Variants in NEGR1 observed in about 807,000 individuals in gnomAD.
The protein encoded by NEGR1 is neuronal growth regulator 1.
NEGR1 carries 10 observed loss-of-function variants against 40.9 expected under a neutral mutation model. The ratio of observed to expected loss-of-function variants is 0.24; its 90% confidence interval spans 0.15 to 0.42. The LOEUF (loss-of-function observed/expected upper bound fraction) is 0.42. Ranked by LOEUF, NEGR1 falls within the 10% of genes least tolerant of loss-of-function variation. The probability of loss-of-function intolerance (pLI) is 1.00; values close to 1 mark genes in which losing one functional copy is unlikely to be tolerated. For missense variants in NEGR1, 352 were observed against 438.9 expected, an observed-to-expected ratio of 0.80 and a Z score of 1.77; for synonymous variants, 185 against 166.8, an observed-to-expected ratio of 1.11 and a Z score of -0.84.
At chr1:72,262,408 A>C (rs902796132) in intron 1 of NEGR1, among the ~76,000 whole-genome samples, 2 of 151,998 alleles carry the variant, frequency 1.3e-5, no homozygotes, top group African/African-American at 4.8e-5. Flanking sequence ...AGAAGAATAC[A>C]CAGGGTTCAT....
intron 2 of NEGR1, among the ~76,000 whole-genome samples, chr1:71,831,246 A>G (rs1215730356): frequency 6.6e-6 from 1 of 151,942 alleles, no homozygotes; most frequent in East Asian, 1.9e-4. Context: ...AGTACTCAAT[A>G]TCACTGTGTT....
At position 72,190,742 on chromosome 1, in the gene NEGR1, T is replaced by C. The variant is rs569109465; in HGVS notation, c.176+91577A>G. ...GATAATGTACCTGAATAGCTAATGA[T>C]TATGTATAAGAAAACTAGGGCCACT... On this transcript the variant is annotated intron_variant, in intron 1 of 6. Coordinates refer to ENST00000357731, the MANE Select transcript of NEGR1 (RefSeq NM_173808.3). Among the ~76,000 whole-genome samples, 3 of 151,688 alleles carry C rather than the reference T, an allele frequency of 2.0e-5. No homozygotes were observed. The East Asian group carries it at 5.8e-4, about 29-fold the overall frequency.
chr1:71,971,177 C>T (rs1329268139), intron 1 of NEGR1, among the ~76,000 whole-genome samples: 1 of 152,182 alleles, frequency 6.6e-6, no homozygotes, highest in Non-Finnish European at 1.5e-5. Flanking sequence ...CTGGAAGAAC[C>T]AAGAATGGTA....
intron 3 of NEGR1, among the ~76,000 whole-genome samples, chr1:71,762,054 G>T (rs1224428014): frequency 1.3e-5 from 2 of 152,008 alleles, no homozygotes; most frequent in Non-Finnish European, 2.9e-5. Flanking sequence ...AATGTAAAGG[G>T]CACTAAGTTT....
intron 3 of NEGR1, among the ~76,000 whole-genome samples, chr1:71,738,848 G>C (rs1328880705): frequency 6.6e-6 from 1 of 151,910 alleles, no homozygotes; most frequent in Non-Finnish European, 1.5e-5. Context: ...ACTGTTTTCT[G>C]TTTTAAATGT....
intron 1 of NEGR1, among the ~76,000 whole-genome samples, chr1:72,100,027 T>C (rs1648872714): frequency 1.3e-5 from 2 of 152,066 alleles, no homozygotes; most frequent in African/African-American, 2.4e-5. Context: ...ATTGCCAACA[T>C]AGAAGATTGG....
At chr1:72,123,386 A>T (rs2100295735) in intron 1 of NEGR1, among the ~76,000 whole-genome samples, 1 of 152,000 alleles carries the variant, frequency 6.6e-6, no homozygotes, top group East Asian at 1.9e-4. Context: ...GAGCATGCTG[A>T]GAAATACCTT....
intron 6 of NEGR1, among the ~76,000 whole-genome samples, chr1:71,434,186 C>A (rs1646489381): frequency 6.6e-6 from 1 of 151,610 alleles, no homozygotes; most frequent in East Asian, 1.9e-4. Flanking sequence ...AAATATCAAA[C>A]AAATTAAGAA....
chr1:71,440,800 C>T (rs1646542053), intron 6 of NEGR1, among the ~76,000 whole-genome samples: 1 of 152,294 alleles, frequency 6.6e-6, no homozygotes, highest in Non-Finnish European at 1.5e-5. Flanking sequence ...TTAAAATTGT[C>T]ATATTTATAG....
intron 1 of NEGR1, among the ~76,000 whole-genome samples, chr1:72,191,877 T>C (rs1466401184): frequency 2.0e-5 from 3 of 151,818 alleles, no homozygotes; most frequent in Non-Finnish European, 4.4e-5. Context: ...TTAGCACCAG[T>C]TGGCAGTGCC....
At chr1:71,685,698 T>C (rs1419211268) in intron 4 of NEGR1, among the ~76,000 whole-genome samples, 1 of 152,168 alleles carries the variant, frequency 6.6e-6, no homozygotes, top group Non-Finnish European at 1.5e-5. Context: ...CACTTCCCCC[T>C]TCCTCCCCAC....
chr1:71,977,766 T>C (rs535871193), intron 1 of NEGR1, among the ~76,000 whole-genome samples: 4 of 40,472 alleles, frequency 9.9e-5, no homozygotes, highest in Admixed American at 8.1e-4. Flanking sequence ...AGTAGAAAAG[T>C]AGAAGTCAAA....
chr1:72,058,581 A>T (rs1647134064), intron 1 of NEGR1, among the ~76,000 whole-genome samples: 1 of 151,680 alleles, frequency 6.6e-6, no homozygotes. Flanking sequence ...AATAACAATT[A>T]CCAGGGTAAT....
At chr1:71,677,129 C>A (rs918987322) in intron 4 of NEGR1, among the ~76,000 whole-genome samples, 1 of 152,058 alleles carries the variant, frequency 6.6e-6, no homozygotes, top group African/African-American at 2.4e-5. Context: ...TGTTTAGCTC[C>A]AAGCTGGTGC....
At chr1:71,830,479 G>A (rs144257865) in intron 2 of NEGR1, among the ~76,000 whole-genome samples, 18 of 151,900 alleles carry the variant, frequency 1.2e-4, no homozygotes, top group African/African-American at 4.3e-4. Flanking sequence ...TAGGCCGTGC[G>A]TCAGACTTGG....
intron 3 of NEGR1, among the ~76,000 whole-genome samples, chr1:71,717,549 G>C (rs764874046): frequency 2.3e-4 from 35 of 152,052 alleles, no homozygotes; most frequent in Non-Finnish European, 3.4e-4. Context: ...ACCAAGATCA[G>C]GGACTTAATC....
chr1:71,769,181 T>C (rs962193264), intron 3 of NEGR1, among the ~76,000 whole-genome samples: 4 of 152,128 alleles, frequency 2.6e-5, no homozygotes, highest in African/African-American at 9.7e-5. Context: ...TTTTATTTTT[T>C]CTTACTATTT....
At chr1:71,728,583 T>C (rs1316904104) in intron 3 of NEGR1, among the ~76,000 whole-genome samples, 1 of 152,166 alleles carries the variant, frequency 6.6e-6, no homozygotes, top group Admixed American at 6.6e-5. Context: ...TTCACCAAAA[T>C]CTAACGTTGC....
At chr1:72,250,871 C>T in intron 1 of NEGR1, among the ~76,000 whole-genome samples, 1 of 152,150 alleles carries the variant, frequency 6.6e-6, no homozygotes, top group East Asian at 1.9e-4. Context: ...AACAGCTCAC[C>T]CCCACTGGGA....
Sources: gnomAD v4.1 joint callset for allele counts (sites outside exome capture counted in the v4.1 genomes callset) on GRCh38, gnomAD v4.1.1 for gene constraint, MANE v1.5 for transcripts, NCBI Gene and HGNC (gene_info 2026-07-23, HGNC 2026-07-21) for gene names.